Variants in PLCB4 observed in about 807,000 individuals in gnomAD.
PLCB4 encodes phospholipase C beta 4, also known as 1-phosphatidylinositol 4,5-bisphosphate phosphodiesterase beta-4.
In PLCB4, 77 loss-of-function variants were observed where a neutral mutation model predicts 178.8. That is an observed-to-expected ratio of 0.43 (90% CI 0.36 to 0.52). The LOEUF (loss-of-function observed/expected upper bound fraction) is 0.52. Ranked by LOEUF, PLCB4 falls within the 20% of genes least tolerant of loss-of-function variation. PLCB4 has a pLI of 0.00. For synonymous variants in PLCB4, 496 were observed against 490.8 expected (o/e 1.01, Z -0.14); for missense variants, 1,024 against 1,453.4 (o/e 0.70, Z 4.80).
chr20:9,119,477 A>G (rs2091889034), intron 2 of PLCB4, among the ~76,000 whole-genome samples: 1 of 151,850 alleles, frequency 6.6e-6, no homozygotes, highest in Admixed American at 6.6e-5. Context: ...AATAGCTTGG[A>G]ACTTATCTTA....
chr20:9,456,202 T>A (rs1394684933), intron 33 of PLCB4, among the ~76,000 whole-genome samples: 1 of 152,178 alleles, frequency 6.6e-6, no homozygotes, highest in Non-Finnish European at 1.5e-5. Context: ...TGACAGTCCT[T>A]GGAGCTTTCT....
intron 2 of PLCB4, among the ~76,000 whole-genome samples, chr20:9,202,343 C>G (rs2147193038): frequency 6.6e-6 from 1 of 152,200 alleles, no homozygotes; most frequent in African/African-American, 2.4e-5. Flanking sequence ...CAGCATTGCA[C>G]ATGAGAGAGT....
intron 2 of PLCB4, among the ~76,000 whole-genome samples, chr20:9,104,338 C>T (rs1026588104): frequency 6.6e-6 from 1 of 152,146 alleles, no homozygotes; most frequent in African/African-American, 2.4e-5. Flanking sequence ...AAGGTCTGGA[C>T]ATGGGAACTG....
At chr20:9,299,724 G>A (rs2094682362) in intron 3 of PLCB4, among the ~76,000 whole-genome samples, 1 of 151,698 alleles carries the variant, frequency 6.6e-6, no homozygotes, top group African/African-American at 2.4e-5. Context: ...ATTATATAAG[G>A]CCAATATTTT....
intron 3 of PLCB4, among the ~76,000 whole-genome samples, chr20:9,290,222 C>T (rs1204677310): frequency 6.6e-6 from 1 of 151,282 alleles, no homozygotes; most frequent in African/African-American, 2.4e-5. Context: ...AGGACCAAAG[C>T]AATTTTTGTA....
In PLCB4 at chr20:9,408,152, GT is replaced by G. The variant is rs1231390245; in HGVS notation, c.1789+95del. The G allele has an allele frequency of 6.6e-6, 7 of 1,059,486 alleles. No individual in the cohort carries two copies. In the African/African-American group the frequency reaches 8.2e-5, roughly 12 times the overall value. 65.6% of individuals were successfully genotyped at this position (1,059,486 alleles called of 1,614,324 possible). A position where few individuals can be genotyped will look rare whatever the true frequency, so the allele number is the denominator to read the frequency against. ...ATCTAATTTGTTGCCATTTTTCTTT[GT>G]GGGCATGGGGGCTGTTCCACCTCAC... On this transcript the variant is annotated intron_variant, in intron 22 of 39. Transcript: ENST00000378473.
chr20:9,166,457 T>C (rs1258279472), intron 2 of PLCB4: 1 of 152,250 alleles, frequency 6.6e-6, no homozygotes, highest in Admixed American at 6.6e-5. Flanking sequence ...CTGTGGGCAC[T>C]GTTTGCCCAG....
intron 3 of PLCB4, among the ~76,000 whole-genome samples, chr20:9,299,101 G>C (rs1182250547): frequency 6.6e-6 from 1 of 152,012 alleles, no homozygotes; most frequent in African/African-American, 2.4e-5. Context: ...TCATAACTGG[G>C]ATGTGTGAAG....
At chr20:9,328,888 G>A (rs1254412045) in intron 4 of PLCB4, among the ~76,000 whole-genome samples, 2 of 152,182 alleles carry the variant, frequency 1.3e-5, no homozygotes, top group African/African-American at 4.8e-5. Context: ...CACAGAAAGG[G>A]CTCCTGGAGA....
At chr20:9,199,165 TTG>T (rs2093510129) in intron 2 of PLCB4, among the ~76,000 whole-genome samples, 1 of 113,502 alleles carries the variant, frequency 8.8e-6, no homozygotes, top group African/African-American at 4.1e-5. Flanking sequence ...CTAGTCTTTT[TTG>T]TGTGTCATTT....
At chr20:9,389,268 A>G (rs549739349) in intron 15 of PLCB4, among the ~76,000 whole-genome samples, 26 of 152,262 alleles carry the variant, frequency 1.7e-4, no homozygotes, top group African/African-American at 6.0e-4. Context: ...GAACACTTCT[A>G]TGTTTCACTT....
intron 3 of PLCB4, among the ~76,000 whole-genome samples, chr20:9,284,018 T>C (rs558950614): frequency 6.6e-6 from 1 of 152,130 alleles, no homozygotes; most frequent in South Asian, 2.1e-4. Flanking sequence ...ACGTGGCCCA[T>C]ATATTTGTGT....
chr20:9,182,493 C>A (rs1418026863), intron 2 of PLCB4, among the ~76,000 whole-genome samples: 1 of 152,164 alleles, frequency 6.6e-6, no homozygotes, highest in Non-Finnish European at 1.5e-5. Flanking sequence ...AACCCGGGAA[C>A]CTGTGAGCTA....
At chr20:9,277,379 A>G (rs1007480328) in intron 3 of PLCB4, among the ~76,000 whole-genome samples, 1 of 152,072 alleles carries the variant, frequency 6.6e-6, no homozygotes, top group Non-Finnish European at 1.5e-5. Context: ...ATTTTCTAAA[A>G]AGAACAGCTT....
intron 33 of PLCB4, 38 bp from the exon 34 acceptor site, chr20:9,457,376 C>G (rs1245013026): frequency 2.1e-6 from 2 of 938,318 alleles, no homozygotes; most frequent in Admixed American, 3.4e-5. Context: ...GGGAAAATAT[C>G]TAATTTCTGG....
At chr20:9,303,970 C>T (rs556324864) in intron 3 of PLCB4, among the ~76,000 whole-genome samples, 184 of 151,984 alleles carry the variant, frequency 1.2e-3, no homozygotes, top group Non-Finnish European at 2.1e-3. Flanking sequence ...CTGCAGCCAC[C>T]TCCTCCTCCT....
At chr20:9,344,231 T>C (rs915899352) in intron 7 of PLCB4, among the ~76,000 whole-genome samples, 1 of 152,118 alleles carries the variant, frequency 6.6e-6, no homozygotes, top group African/African-American at 2.4e-5. Flanking sequence ...GTCTGTATCG[T>C]GCTCTTTCCC....
At chr20:9,176,642 C>T (rs2093160247) in intron 2 of PLCB4, among the ~76,000 whole-genome samples, 1 of 151,986 alleles carries the variant, frequency 6.6e-6, no homozygotes, top group African/African-American at 2.4e-5. Context: ...GAAGAAGCAC[C>T]AGTTTTCAAA....
chr20:9,127,904 C>T (rs2092165954), intron 2 of PLCB4, among the ~76,000 whole-genome samples: 9 of 152,114 alleles, frequency 5.9e-5, no homozygotes, highest in Admixed American at 5.9e-4. Context: ...CCAGACTCGT[C>T]TTGAACTCCT....
Sources: gnomAD v4.1 joint callset for allele counts (sites outside exome capture counted in the v4.1 genomes callset) on GRCh38, gnomAD v4.1.1 for gene constraint, MANE v1.5 for transcripts, NCBI Gene and HGNC (gene_info 2026-07-23, HGNC 2026-07-21) for gene names.